STAC: variants seen among roughly 807,000 people sequenced by gnomAD.
The protein encoded by STAC is SH3 and cysteine-rich domain-containing protein.
STAC carries 43 observed loss-of-function variants against 48.8 expected under a neutral mutation model. The observed-to-expected ratio is 0.88, with a 90% CI of 0.69 to 1.14. The LOEUF (loss-of-function observed/expected upper bound fraction) is 1.14. Among genes scored for constraint, STAC ranks in the 50% most tolerant of loss-of-function variants. The pLI is 0.00. For synonymous variants in STAC, 193 were observed against 179.5 expected (o/e 1.07, Z -0.60); for missense variants, 497 against 504.0 (o/e 0.99, Z 0.13).
chr3:36,417,574 T>C, intron 1 of STAC, among the ~76,000 whole-genome samples: 1 of 152,228 alleles, frequency 6.6e-6, no homozygotes, highest in East Asian at 1.9e-4. Context: ...CAGAATATAA[T>C]TGAAAAACAT....
chr3:36,382,371 A>T (rs570363448), intron 1 of STAC, among the ~76,000 whole-genome samples: 4 of 152,358 alleles, frequency 2.6e-5, no homozygotes, highest in African/African-American at 9.6e-5. Flanking sequence ...CAAATGCATT[A>T]TATGGATTTG....
chr3:36,419,814 G>A (rs77050446), intron 1 of STAC, among the ~76,000 whole-genome samples: 30,711 of 152,118 alleles, frequency 0.2, 3,266 homozygotes, highest in Admixed American at 0.23. Context: ...TTGAGAGACA[G>A]GAGCAGGGGA....
chr3:36,510,101 A>C (rs2125716543), intron 8 of STAC, among the ~76,000 whole-genome samples: 1 of 152,336 alleles, frequency 6.6e-6, no homozygotes, highest in Middle Eastern at 3.4e-3. Flanking sequence ...AAGGAACTTA[A>C]ACAAATTTAC....
intron 1 of STAC, among the ~76,000 whole-genome samples, chr3:36,381,582 T>C (rs527569409): frequency 6.8e-6 from 1 of 146,172 alleles, no homozygotes; most frequent in East Asian, 2.0e-4. Context: ...TCTGATTTCA[T>C]TGTGCGATCC....
intron 2 of STAC, among the ~76,000 whole-genome samples, chr3:36,470,864 A>G (rs1697314097): frequency 6.6e-6 from 1 of 152,242 alleles, no homozygotes; most frequent in East Asian, 1.9e-4. Flanking sequence ...TTCATGAAGT[A>G]TGGCCAGAAT....
At chr3:36,430,914 C>T (rs866162619) in intron 1 of STAC, among the ~76,000 whole-genome samples, 38 of 152,256 alleles carry the variant, frequency 2.5e-4, no homozygotes, top group African/African-American at 8.7e-4. Flanking sequence ...ACTACCTCTG[C>T]AAAAGCCCTG....
chr3:36,490,963 T>C lies in STAC; in HGVS notation c.688-2188T>C, dbSNP rs1697951880. 2.0e-5 allele frequency among the ~76,000 whole-genome samples: 3 copies of C among 152,224 alleles called. No homozygotes were observed. In the South Asian group the frequency reaches 6.2e-4, roughly 31 times the overall value. On this transcript the variant is annotated intron_variant, in intron 5 of 10. Transcript: ENST00000273183. The stretch of plus-strand genomic sequence containing the variant: ...GTAGATATTTGTTGGAGTTTAGCTC[T>C]GTGAAGGCATTGTTCTGAGAGCTGC...
At chr3:36,519,833 A>C (rs910750122) in intron 8 of STAC, among the ~76,000 whole-genome samples, 1 of 152,222 alleles carries the variant, frequency 6.6e-6, no homozygotes, top group African/African-American at 2.4e-5. Context: ...TCACATATAC[A>C]TAGGCAATGA....
At chr3:36,503,413 ATTGTTTT>A (rs1451533568) in intron 6 of STAC, among the ~76,000 whole-genome samples, 1 of 151,596 alleles carries the variant, frequency 6.6e-6, no homozygotes, top group East Asian at 1.9e-4. Context: ...CATTTTGTTT[ATTGTTTT>A]TTGTTTTTTT....
intron 1 of STAC, among the ~76,000 whole-genome samples, chr3:36,417,063 C>G (rs1700335717): frequency 3.9e-5 from 6 of 152,262 alleles, no homozygotes; most frequent in South Asian, 4.2e-4. Context: ...ATCTGCCCCC[C>G]ATGGCACCAG....
At chr3:36,487,655 T>TA (rs1010170151) in intron 5 of STAC, among the ~76,000 whole-genome samples, 3 of 152,178 alleles carry the variant, frequency 2.0e-5, no homozygotes, top group Admixed American at 1.3e-4. Context: ...TTACCATTTT[T>TA]AAAAAAATAC....
At chr3:36,400,490 G>GCAAAATCCA (rs1699979537) in intron 1 of STAC, among the ~76,000 whole-genome samples, 1 of 152,244 alleles carries the variant, frequency 6.6e-6, no homozygotes, top group African/African-American at 2.4e-5. Context: ...CATACTACAA[G>GCAAAATCCA]CAAAATCCAC....
intron 2 of STAC, among the ~76,000 whole-genome samples, chr3:36,471,306 G>A (rs752078501): frequency 6.6e-5 from 10 of 152,136 alleles, no homozygotes; most frequent in Non-Finnish European, 1.3e-4. Context: ...CTCCCACTTG[G>A]TCCCTCCCAC....
At chr3:36,448,664 T>C (rs929332932) in intron 2 of STAC, among the ~76,000 whole-genome samples, 1 of 152,152 alleles carries the variant, frequency 6.6e-6, no homozygotes, top group Non-Finnish European at 1.5e-5. Context: ...CTTCAAATAG[T>C]TGAAAAGATC....
intron 6 of STAC, 66 bp downstream of exon 6, chr3:36,493,295 T>C (rs1167500138): frequency 9.4e-6 from 14 of 1,491,006 alleles, no homozygotes; most frequent in Admixed American, 5.1e-5. Context: ...GCAGGCCAAG[T>C]TGATTTCCAG....
chr3:36,479,108 T>C (rs73827533), intron 2 of STAC, among the ~76,000 whole-genome samples: 4,723 of 152,296 alleles, frequency 0.031, 222 homozygotes, highest in African/African-American at 0.11. Flanking sequence ...TGATTTAGTC[T>C]CTCATTTTTC....
At chr3:36,478,049 A>T (rs1697539131) in intron 2 of STAC, among the ~76,000 whole-genome samples, 1 of 152,200 alleles carries the variant, frequency 6.6e-6, no homozygotes, top group Admixed American at 6.5e-5. Context: ...GTCCTCTTTC[A>T]TTGCTTCTTC....
intron 1 of STAC, among the ~76,000 whole-genome samples, chr3:36,435,995 G>A (rs1304290674): frequency 6.6e-6 from 1 of 152,046 alleles, no homozygotes; most frequent in Non-Finnish European, 1.5e-5. Context: ...TCTCCTCCAT[G>A]TCTGCACTTC....
chr3:36,489,693 TG>T (rs1180211731), intron 5 of STAC, among the ~76,000 whole-genome samples: 2 of 152,234 alleles, frequency 1.3e-5, no homozygotes, highest in East Asian at 3.8e-4. Flanking sequence ...TCTCAAATGC[TG>T]GGGCATATCA....
Sources: allele counts gnomAD v4.1 joint callset (sites outside exome capture counted in the v4.1 genomes callset), GRCh38; gene constraint gnomAD v4.1.1; transcripts MANE v1.5; gene names NCBI Gene and HGNC (gene_info 2026-07-23, HGNC 2026-07-21).